ACER3: variants seen among roughly 807,000 people sequenced by gnomAD.
ACER3 encodes the protein alkaline ceramidase 3, also known as alkCDase 3.
A neutral mutation model predicts 48.9 loss-of-function variants in ACER3; 16 were observed. The observed-to-expected ratio is 0.33, with a 90% CI of 0.22 to 0.50. The LOEUF (loss-of-function observed/expected upper bound fraction) is 0.50, where lower values mean the gene tolerates loss of function less well. ACER3 is among the 20% of genes least tolerant of loss of function. The probability of loss-of-function intolerance (pLI) is 0.98; values close to 1 mark genes in which losing one functional copy is unlikely to be tolerated. For synonymous variants in ACER3, 109 were observed against 107.8 expected, an observed-to-expected ratio of 1.01 and a Z score of -0.07; for missense variants, 227 against 326.0, an observed-to-expected ratio of 0.70 and a Z score of 2.34.
chr11:76,942,803 A>G (rs1006071240), intron 2 of ACER3, among the ~76,000 whole-genome samples: 2 of 151,930 alleles, frequency 1.3e-5, no homozygotes, highest in African/African-American at 2.4e-5. Flanking sequence ...CTGTGGATCC[A>G]TCTACTCCTA....
chr11:76,875,732 GTTTTTTTT>G (rs71040037), intron 1 of ACER3, among the ~76,000 whole-genome samples: 3 of 67,078 alleles, frequency 4.5e-5, no homozygotes, highest in African/African-American at 1.1e-4. Flanking sequence ...AGTTTTTGTT[GTTTTTTTT>G]TTTTTTTTTT....
chr11:76,878,799 T>A lies in ACER3; in HGVS notation c.103+17720T>A, dbSNP rs1945450243. Reference sequence around the variant, plus strand: ...TTTTTCATTCTCATCATGGAAGTTTTAGGTGCTCCACATCCCCAACAATGT... The same window carrying A: ...TTTTTCATTCTCATCATGGAAGTTTAAGGTGCTCCACATCCCCAACAATGT... On this transcript the variant is annotated intron_variant, in intron 1 of 10. Transcript: ENST00000532485. Among the ~76,000 whole-genome samples the A allele has an allele frequency of 2.0e-5, 3 of 152,092 alleles. No homozygotes were observed. The South Asian group carries it at 6.2e-4, about 31-fold the overall frequency.
At chr11:76,868,464 T>TA (rs2134511123) in intron 1 of ACER3, among the ~76,000 whole-genome samples, 2 of 150,890 alleles carry the variant, frequency 1.3e-5, no homozygotes, top group Non-Finnish European at 2.9e-5. Flanking sequence ...ATAACTCTCA[T>TA]ATCCCTTTTT....
rs1555025342 is a variant in ACER3 at position 77,024,723 on chromosome 11, ACC to A, written c.*4397_*4398del. ...TTGGAGGAAAGCTAAGCAGGTTCTGACCACCCATTTTCATGTACTTTAAATAA... is the reference window on the plus strand; with the variant it reads ...TTGGAGGAAAGCTAAGCAGGTTCTGAACCCATTTTCATGTACTTTAAATAA... On this transcript the variant is annotated 3_prime_UTR_variant, in exon 11 of 11. Transcript: ENST00000532485. 5.3e-5 allele frequency: 8 copies of A among 152,212 alleles called. No homozygotes were observed. The highest frequency in any genetic ancestry group is 1.9e-4 in the African/African-American group (8 of 41,448). 9.4% of individuals were successfully genotyped at this position (152,212 alleles called of 1,614,324 possible).
Position 76,924,969 on chromosome 11 carries a change from C to CGAG in ACER3, c.104-1588_104-1587insGAG, listed in dbSNP as rs1228286221. Among the ~76,000 whole-genome samples, 4 of 15,586 alleles carry CGAG rather than the reference C, an allele frequency of 2.6e-4. No individual in the cohort carries two copies. In the Admixed American group the frequency reaches 3.5e-3, roughly 14 times the overall value. The allele number at this position is 15,586 out of a possible 152,430, so 10.2% of individuals were successfully genotyped here. The stretch of plus-strand genomic sequence containing the variant: ...CCAGCCTGGGCAACAGAGGAAGACT[C>CGAG]TGTCAAAAAAAAAAAAAAAAAAAAC... On this transcript the variant is annotated intron_variant, in intron 1 of 10. Transcript: ENST00000532485.
intron 4 of ACER3, among the ~76,000 whole-genome samples, chr11:76,977,164 C>G (rs1373658167): frequency 6.6e-6 from 1 of 152,148 alleles, no homozygotes; most frequent in Non-Finnish European, 1.5e-5. Context: ...TGGACAAAAA[C>G]AGAACTTGAT....
intron 1 of ACER3, among the ~76,000 whole-genome samples, chr11:76,897,270 T>C (rs986632310): frequency 1.3e-5 from 2 of 152,158 alleles, no homozygotes; most frequent in Non-Finnish European, 2.9e-5. Flanking sequence ...GAGGAGAACT[T>C]TAATAGCCTT....
chr11:76,955,992 C>T (rs6592684), intron 2 of ACER3, among the ~76,000 whole-genome samples: 103,235 of 152,006 alleles, frequency 0.68, 35,454 homozygotes, highest in Non-Finnish European at 0.74. Flanking sequence ...ATGTCCCCAG[C>T]AGGCAAATCT....
chr11:76,972,814 G>A (rs978053850), intron 3 of ACER3, among the ~76,000 whole-genome samples: 1 of 151,788 alleles, frequency 6.6e-6, no homozygotes, highest in Admixed American at 6.6e-5. Context: ...AGGGTCAGGG[G>A]TTGGGGGGAA....
intron 3 of ACER3, among the ~76,000 whole-genome samples, chr11:76,968,873 A>G (rs1948216550): frequency 6.6e-6 from 1 of 152,256 alleles, no homozygotes; most frequent in African/African-American, 2.4e-5. Context: ...CATTCAGGAC[A>G]TAGGCATGGG....
intron 3 of ACER3, among the ~76,000 whole-genome samples, chr11:76,963,267 T>G (rs1948048104): frequency 6.6e-6 from 1 of 150,856 alleles, no homozygotes; most frequent in South Asian, 2.1e-4. Flanking sequence ...AGTTTCACTT[T>G]ATGCTTACCT....
chr11:77,007,234 T>C (rs992020883), intron 7 of ACER3, among the ~76,000 whole-genome samples: 8 of 152,230 alleles, frequency 5.3e-5, no homozygotes, highest in Admixed American at 2.0e-4. Flanking sequence ...TTTTTATTTT[T>C]TTAACAAATT....
intron 1 of ACER3, among the ~76,000 whole-genome samples, chr11:76,915,021 G>A (rs1328675872): frequency 6.6e-6 from 1 of 152,034 alleles, no homozygotes; most frequent in Non-Finnish European, 1.5e-5. Flanking sequence ...CACAGGGTGG[G>A]GAACATCACA....
At chr11:76,953,950 T>C (rs959868859) in intron 2 of ACER3, among the ~76,000 whole-genome samples, 1 of 34,034 alleles carries the variant, frequency 2.9e-5, no homozygotes, top group Non-Finnish European at 2.1e-4. Flanking sequence ...AAAAGTTCTT[T>C]TTTTTTTTTT....
At chr11:76,943,670 C>A (rs1167180477) in intron 2 of ACER3, among the ~76,000 whole-genome samples, 1 of 151,502 alleles carries the variant, frequency 6.6e-6, no homozygotes, top group East Asian at 1.9e-4. Context: ...TCTGAAAAGT[C>A]CATTTGGTCT....
At chr11:76,933,673 T>G (rs1488356799) in intron 2 of ACER3, among the ~76,000 whole-genome samples, 1 of 152,188 alleles carries the variant, frequency 6.6e-6, no homozygotes, top group Non-Finnish European at 1.5e-5. Flanking sequence ...AAGTCTCCCA[T>G]GTCTACTTCT....
chr11:77,009,721 G>T (rs1410984728), intron 7 of ACER3, among the ~76,000 whole-genome samples: 1 of 152,166 alleles, frequency 6.6e-6, no homozygotes, highest in Non-Finnish European at 1.5e-5. Context: ...TGAGGCAGGA[G>T]GATTGATTGA....
rs543387999 is a variant in ACER3, at chr11:76,868,308, A to G, written c.103+7229A>G. 2.1e-5 allele frequency: 26 copies of G among 1,260,938 alleles called. 1 individual carries two copies. The highest frequency in any genetic ancestry group is 2.0e-4 in the African/African-American group (13 of 64,140). The allele number at this position is 1,260,938 out of a possible 1,614,324, so 78.1% of individuals were successfully genotyped here. On this transcript the variant is annotated intron_variant, in intron 1 of 10. Transcript: ENST00000532485. ...TCCAAATTATAACTCAAAAGTTCAT[A>G]AGTCAACTGAAGAATGAAGGCCAAA...
intron 3 of ACER3, among the ~76,000 whole-genome samples, chr11:76,973,209 C>G (rs908689971): frequency 6.6e-6 from 1 of 152,184 alleles, no homozygotes; most frequent in Non-Finnish European, 1.5e-5. Context: ...CCTGGTGAGA[C>G]CCATTCTGGA....
Sources: gnomAD v4.1 joint callset for allele counts (sites outside exome capture counted in the v4.1 genomes callset) on GRCh38, gnomAD v4.1.1 for gene constraint, MANE v1.5 for transcripts, NCBI Gene and HGNC (gene_info 2026-07-23, HGNC 2026-07-21) for gene names.